The following RBFOX1 variants were observed in gnomAD, a reference collection of about 807,000 sequenced individuals.
RBFOX1 encodes RNA binding fox-1 homolog 1.
RBFOX1 carries 8 observed loss-of-function variants against 57.7 expected under a neutral mutation model. The observed-to-expected ratio is 0.14, with a 90% CI of 0.08 to 0.25. The LOEUF (loss-of-function observed/expected upper bound fraction) is 0.25. Among genes scored for constraint, RBFOX1 ranks in the 10% least tolerant of loss-of-function variants. The pLI is 1.00. For synonymous variants in RBFOX1, 326 were observed against 222.4 expected, an observed-to-expected ratio of 1.47 and a Z score of -4.15; for missense variants, 611 against 548.5, an observed-to-expected ratio of 1.11 and a Z score of -1.14.
intron 2 of RBFOX1, among the ~76,000 whole-genome samples, chr16:5,574,525 C>A (rs773585764): frequency 6.6e-6 from 1 of 151,750 alleles, no homozygotes. Flanking sequence ...AAGTGATTCT[C>A]GTGCCTCAGC....
intron 2 of RBFOX1, among the ~76,000 whole-genome samples, chr16:6,378,300 G>C (rs2091428798): frequency 6.6e-6 from 1 of 152,204 alleles, no homozygotes; most frequent in Admixed American, 6.5e-5. Flanking sequence ...ACGGAGGCTG[G>C]GGTTTCATGC....
At chr16:5,909,090 C>CTTTTTTTTTTTTT (rs3041577) in intron 4 of RBFOX1, among the ~76,000 whole-genome samples, 3 of 116,390 alleles carry the variant, frequency 2.6e-5, no homozygotes, top group African/African-American at 3.4e-5. Flanking sequence ...CTAAGCCCCC[C>CTTTTTTTTTTTTT]TTTTTTTTTT....
intron 4 of RBFOX1, among the ~76,000 whole-genome samples, chr16:5,941,359 G>A (rs1031921074): frequency 6.6e-6 from 1 of 151,800 alleles, no homozygotes; most frequent in Non-Finnish European, 1.5e-5. Flanking sequence ...GCATGGTAGA[G>A]CATGCCTGTC....
intron 2 of RBFOX1, among the ~76,000 whole-genome samples, chr16:6,578,907 A>G (rs1196822099): frequency 6.6e-6 from 1 of 152,042 alleles, no homozygotes; most frequent in East Asian, 1.9e-4. Flanking sequence ...GAGTGGGGTG[A>G]GGGTAAAAGA....
intron 2 of RBFOX1, among the ~76,000 whole-genome samples, chr16:6,586,374 C>T (rs960200149): frequency 2.0e-5 from 3 of 152,160 alleles, no homozygotes; most frequent in Non-Finnish European, 4.4e-5. Context: ...TAAATGGACC[C>T]AGTAGTAATC....
intron 2 of RBFOX1, among the ~76,000 whole-genome samples, chr16:6,400,920 C>G (rs907005162): frequency 6.6e-6 from 1 of 152,044 alleles, no homozygotes; most frequent in African/African-American, 2.4e-5. Flanking sequence ...ATTGATAGTA[C>G]CTGATGGTGT....
intron 3 of RBFOX1, among the ~76,000 whole-genome samples, chr16:6,813,152 T>C: frequency 6.6e-6 from 1 of 152,100 alleles, no homozygotes; most frequent in East Asian, 1.9e-4. Context: ...CTTTGTATGG[T>C]TAAATATCAG....
intron 2 of RBFOX1, among the ~76,000 whole-genome samples, chr16:6,351,407 C>G (rs1247275924): frequency 9.2e-6 from 1 of 108,126 alleles, no homozygotes; most frequent in Non-Finnish European, 1.8e-5. Flanking sequence ...GAGTTTTGCT[C>G]TTGTTGCCCA....
chr16:6,149,519 C>T (rs1393718894), intron 1 of RBFOX1, among the ~76,000 whole-genome samples: 1 of 152,024 alleles, frequency 6.6e-6, no homozygotes, highest in Non-Finnish European at 1.5e-5. Flanking sequence ...TACATAAGGC[C>T]CCAGAAATTC....
At chr16:5,251,739 G>T (rs962216276) in intron 1 of RBFOX1, among the ~76,000 whole-genome samples, 11 of 139,092 alleles carry the variant, frequency 7.9e-5, no homozygotes, top group Non-Finnish European at 1.4e-4. Flanking sequence ...GAAATGTTTT[G>T]TATTTTGATC....
chr16:5,900,155 T>A (rs1442171593), intron 4 of RBFOX1, among the ~76,000 whole-genome samples: 1 of 152,182 alleles, frequency 6.6e-6, no homozygotes, highest in African/African-American at 2.4e-5. Context: ...TTTGGGCAGT[T>A]TATTGACTAA....
chr16:7,664,720 A>T (rs1329597040), intron 12 of RBFOX1: 1 of 783,114 alleles, frequency 1.3e-6, no homozygotes, highest in Admixed American at 2.8e-5. Context: ...CCACATCCTA[A>T]TTCTGGGCCA....
intron 4 of RBFOX1, among the ~76,000 whole-genome samples, chr16:5,893,253 G>A (rs1385501100): frequency 6.6e-6 from 1 of 152,192 alleles, no homozygotes; most frequent in Admixed American, 6.5e-5. Context: ...TTTTAGCATA[G>A]TATTTTACAA....
intron 5 of RBFOX1, among the ~76,000 whole-genome samples, chr16:7,577,770 A>G (rs12149405): frequency 0.91 from 138,755 of 151,956 alleles, 63,733 homozygotes; most frequent in Middle Eastern, 0.97. Context: ...ATAATGGCTC[A>G]TGCCTGTAAT....
At chr16:7,601,249 G>A (rs1379685544) in intron 9 of RBFOX1, among the ~76,000 whole-genome samples, 1 of 152,184 alleles carries the variant, frequency 6.6e-6, no homozygotes, top group East Asian at 1.9e-4. Flanking sequence ...AACTCTCCAT[G>A]TGCCAGCTCT....
intron 1 of RBFOX1, among the ~76,000 whole-genome samples, chr16:5,460,062 G>C (rs2151591923): frequency 6.6e-6 from 1 of 152,270 alleles, no homozygotes; most frequent in Non-Finnish European, 1.5e-5. Context: ...ATGAGTCTCT[G>C]GATGGGGAGA....
rs1286226163 is a variant in RBFOX1, at chr16:6,319,091, A to T, written c.-64+2034A>T. On this transcript the variant is annotated intron_variant, in intron 2 of 15. Coordinates refer to ENST00000550418, the MANE Select transcript of RBFOX1 (RefSeq NM_018723.4). ...GTTTTGTGTGTTCTTCACCCATAACATGTTGGATGCATGCTGGTTGAGAAA... is the reference window on the plus strand; with the variant it reads ...GTTTTGTGTGTTCTTCACCCATAACTTGTTGGATGCATGCTGGTTGAGAAA... Among the ~76,000 whole-genome samples, 4 of 152,126 alleles carry T rather than the reference A, an allele frequency of 2.6e-5. No homozygotes were observed. The South Asian group carries it at 8.3e-4, about 32-fold the overall frequency.
At chr16:6,544,356 C>G (rs4786104) in intron 2 of RBFOX1, among the ~76,000 whole-genome samples, 150,194 of 152,306 alleles carry the variant, frequency 0.99, 74,096 homozygotes, top group Middle Eastern at 1. Context: ...TGGAAAACCA[C>G]CTTTTCCCCT....
chr16:7,361,770 G>T (rs960563357), intron 4 of RBFOX1, among the ~76,000 whole-genome samples: 6 of 152,150 alleles, frequency 3.9e-5, no homozygotes, highest in African/African-American at 1.2e-4. Flanking sequence ...TGCATCAAGG[G>T]GCAAACCGTG....
Sources: allele counts gnomAD v4.1 joint callset (sites outside exome capture counted in the v4.1 genomes callset), GRCh38; gene constraint gnomAD v4.1.1; transcripts MANE v1.5; gene names NCBI Gene and HGNC (gene_info 2026-07-23, HGNC 2026-07-21).